ACSF2: variants seen among roughly 807,000 people sequenced by gnomAD.
ACSF2 encodes acyl-CoA synthetase family member 2.
In ACSF2, 52 loss-of-function variants were observed where a neutral mutation model predicts 79.3. That is an observed-to-expected ratio of 0.66 (90% CI 0.53 to 0.83). The LOEUF is 0.83. ACSF2 is among the 40% of genes least tolerant of loss of function. The pLI is 0.00. For synonymous variants in ACSF2, 283 were observed against 312.6 expected (o/e 0.91, Z 1.00); for missense variants, 661 against 803.3 (o/e 0.82, Z 2.14).
intron 1 of ACSF2, among the ~76,000 whole-genome samples, chr17:50,447,045 T>C (rs986910739): frequency 2.0e-5 from 3 of 152,212 alleles, no homozygotes; most frequent in Admixed American, 6.5e-5. Flanking sequence ...GCTTATAGTA[T>C]ATTCATAGAT....
At chr17:50,455,713 G>T (rs1301503910) in intron 1 of ACSF2, among the ~76,000 whole-genome samples, 1 of 152,156 alleles carries the variant, frequency 6.6e-6, no homozygotes, top group Non-Finnish European at 1.5e-5. Flanking sequence ...TAAAACCAAG[G>T]GTGGGCGGAG....
chr17:50,436,914 A>G (rs2030477878), intron 1 of ACSF2, among the ~76,000 whole-genome samples: 1 of 152,174 alleles, frequency 6.6e-6, no homozygotes, highest in Non-Finnish European at 1.5e-5. Context: ...TAAATATATC[A>G]CCTATTTATT....
intron 1 of ACSF2, chr17:50,426,859 T>C (rs1246361562): frequency 3.3e-6 from 5 of 1,527,596 alleles, no homozygotes; most frequent in Non-Finnish European, 4.4e-6. Context: ...AACATGGCTT[T>C]AATTCTTTGC....
chr17:50,461,063 TC>T, intron 2 of ACSF2, 178 bp from the exon 3 acceptor site: 1 of 1,140,436 alleles, frequency 8.8e-7, no homozygotes, highest in Non-Finnish European at 1.2e-6. Context: ...TATCAGCAGC[TC>T]CTGGGGCACC....
chr17:50,472,151 C>CT (rs1228506088), intron 11 of ACSF2: 1 of 446,676 alleles, frequency 2.2e-6, no homozygotes, highest in Non-Finnish European at 4.0e-6. Context: ...CCACAAACCT[C>CT]TTTCTTTGCA....
chr17:50,461,046 C>A, intron 2 of ACSF2, 174 bp downstream of exon 2: 1 of 1,102,960 alleles, frequency 9.1e-7, no homozygotes, highest in Non-Finnish European at 1.3e-6. Flanking sequence ...GGGTCCAATG[C>A]CTCCTGTATC....
At chr17:50,466,488 C>G (rs1388343081) in intron 10 of ACSF2, among the ~76,000 whole-genome samples, 2 of 152,154 alleles carry the variant, frequency 1.3e-5, no homozygotes, top group South Asian at 2.1e-4. Context: ...AGGACCACAC[C>G]CAGCTCCTCT....
Position 50,471,597 on chromosome 17 carries a change from G to A in ACSF2, c.1323+462G>A, listed in dbSNP as rs1459710299. The stretch of plus-strand genomic sequence containing the variant: ...TGGGGCGGTCCCTTTGCCCCTCAAA[G>A]GTTGCCCCAGAGTGCACCTGAATCT... On this transcript the variant is annotated intron_variant, in intron 11 of 15. Transcript: ENST00000300441. This position sits in a 1 kb window ranked among gnomAD's most constrained non-coding sequence, Gnocchi z 4.1. 5.8e-6 allele frequency: 1 copy of A among 173,900 alleles called. No homozygotes were observed. Among genetic ancestry groups the A allele is most frequent in the African/African-American group, 2.4e-5 (1 of 42,372 alleles). 10.8% of individuals were successfully genotyped at this position (173,900 alleles called of 1,614,324 possible).
At position 50,474,176 on chromosome 17, in the gene ACSF2, A is replaced by ACCTC. The variant is rs751830404; in HGVS notation, c.1729-14_1729-11dup. On this transcript the variant is annotated intron_variant, in intron 14 of 15. Transcript: ENST00000300441. The surrounding 1 kb of genome is among the most constrained non-coding windows in gnomAD (Gnocchi z 4.2). The stretch of plus-strand genomic sequence containing the variant: ...GTGAGCTTGCGCAGCCTCACGCCTT[A>ACCTC]CCTCCCTCCCTCTGGTCTGCAGATC... The ACCTC allele has an allele frequency of 2.5e-6, 4 of 1,613,498 alleles. No individual in the cohort carries two copies. In the South Asian group the frequency reaches 4.4e-5, roughly 18 times the overall value.
chr17:50,467,507 A>G (rs1478778636), intron 10 of ACSF2, among the ~76,000 whole-genome samples: 2 of 152,106 alleles, frequency 1.3e-5, no homozygotes, highest in Non-Finnish European at 2.9e-5. Flanking sequence ...GGCATGGAGA[A>G]TGTCTTCCTC....
intron 12 of ACSF2, chr17:50,473,389 T>C (rs1299450333): frequency 7.2e-6 from 3 of 414,738 alleles, no homozygotes; most frequent in Non-Finnish European, 1.3e-5. Context: ...CTGGAGACAT[T>C]TGAGCTGAGA....
chr17:50,444,383 T>C (rs1377747991), intron 1 of ACSF2, among the ~76,000 whole-genome samples: 1 of 151,924 alleles, frequency 6.6e-6, no homozygotes, highest in African/African-American at 2.4e-5. Flanking sequence ...CAAAACCCTA[T>C]CTCTACTAAA....
chr17:50,449,099 T>G (rs964665329), intron 1 of ACSF2, among the ~76,000 whole-genome samples: 3 of 143,708 alleles, frequency 2.1e-5, no homozygotes, highest in African/African-American at 7.7e-5. Flanking sequence ...CTGCTGCAAC[T>G]TCTGCCTCCT....
At chr17:50,458,995 C>G (rs577648076) in intron 1 of ACSF2, among the ~76,000 whole-genome samples, 2 of 152,356 alleles carry the variant, frequency 1.3e-5, no homozygotes, top group East Asian at 3.9e-4. Context: ...TGTTCTATCT[C>G]TAGTCCTAGC....
At chr17:50,464,543 T>A in intron 10 of ACSF2, 1 of 640,112 alleles carries the variant, frequency 1.6e-6, no homozygotes. Context: ...AGGAAGAAAT[T>A]GCAGCATGGG....
chr17:50,462,286 G>T lies in ACSF2; in HGVS notation c.610G>T (p.Ala204Ser). The change falls in exon 5 of 16, where the codon GCC becomes TCC. Residue 204 changes from alanine to serine, a missense_variant. Coordinates refer to ENST00000300441, the MANE Select transcript of ACSF2 (RefSeq NM_025149.6). ...AGAAGTGGAGAATGCCCAGCCAGGG[G>T]CCTTGAAGAGTCAGAGGTGGGTGTG... ...CPEVENAQPGALKSQRLPDLT... is the reference protein window; with the variant it reads ...CPEVENAQPGSLKSQRLPDLT... 1 of 1,613,992 alleles carries T rather than the reference G, an allele frequency of 6.2e-7. No homozygotes were observed. The highest frequency in any genetic ancestry group is 8.5e-7 in the Non-Finnish European group (1 of 1,179,998).
chr17:50,445,559 C>T lies in ACSF2; in HGVS notation c.129-15118C>T, dbSNP rs143912322. Among the ~76,000 whole-genome samples the T allele has an allele frequency of 4.1e-3, 626 of 152,188 alleles. 4 individuals carry two copies. Among genetic ancestry groups the T allele is most frequent in the Middle Eastern group, 0.014 (4 of 294 alleles). ...TCTGTAATCCCAACACTTTGGGAGG[C>T]CAAGGCAGGAAGAATGCTTGAGCTC... On this transcript the variant is annotated intron_variant, in intron 1 of 15. Transcript: ENST00000300441.
chr17:50,471,102 A>G lies in ACSF2; in HGVS notation c.1290A>G (p.Ala430=). 1.2e-6 allele frequency: 2 copies of G among 1,614,072 alleles called. No individual in the cohort carries two copies. Among genetic ancestry groups the G allele is most frequent in the Non-Finnish European group, 1.7e-6 (2 of 1,179,998 alleles). The change falls in exon 11 of 16, where the codon GCA becomes GCG. Residue 430 remains alanine, a synonymous_variant. Coordinates refer to ENST00000300441, the MANE Select transcript of ACSF2 (RefSeq NM_025149.6). This position sits in a 1 kb window ranked among gnomAD's most constrained non-coding sequence, Gnocchi z 4.1. ...HFPEDTVEQK[A]ESVGRIMPHT... ...CTGAGGACACTGTGGAGCAGAAGGC[A>G]GAAAGCGTGGGCAGAATTATGCCTC...
intron 1 of ACSF2, among the ~76,000 whole-genome samples, chr17:50,443,353 T>C (rs1181551117): frequency 6.6e-6 from 1 of 152,198 alleles, no homozygotes; most frequent in Non-Finnish European, 1.5e-5. Flanking sequence ...AGAATGTTAG[T>C]AGATATTACC....
Sources: allele counts gnomAD v4.1 joint callset (sites outside exome capture counted in the v4.1 genomes callset), GRCh38; gene constraint gnomAD v4.1.1; non-coding constraint Gnocchi (gnomAD v3.1); transcripts MANE v1.5; gene names NCBI Gene and HGNC (gene_info 2026-07-23, HGNC 2026-07-21).